CCDC158: variants seen among roughly 807,000 people sequenced by gnomAD.
CCDC158 encodes the protein coiled-coil domain-containing protein 158.
CCDC158 carries 116 observed loss-of-function variants against 138.6 expected under a neutral mutation model. The ratio of observed to expected loss-of-function variants is 0.84; its 90% confidence interval spans 0.72 to 0.98. CCDC158 has a LOEUF of 0.98. Ranked by LOEUF, CCDC158 falls within the 50% of genes least tolerant of loss-of-function variation. The pLI, the probability that CCDC158 is intolerant of heterozygous loss-of-function variation, is 0.00. For missense variants in CCDC158, 1,265 were observed against 1,306.1 expected (o/e 0.97, Z 0.48); for synonymous variants, 436 against 442.4 (o/e 0.99, Z 0.18).
intron 8 of CCDC158, among the ~76,000 whole-genome samples, chr4:76,380,786 G>A (rs1369919986): frequency 1.3e-5 from 2 of 152,188 alleles, no homozygotes; most frequent in African/African-American, 4.8e-5. Context: ...TCCAACACAG[G>A]CCTTGTGACT....
At chr4:76,354,038 A>G (rs1223261137) in intron 15 of CCDC158, among the ~76,000 whole-genome samples, 1 of 152,190 alleles carries the variant, frequency 6.6e-6, no homozygotes, top group Non-Finnish European at 1.5e-5. Context: ...TGAGTAGATT[A>G]GGCAGAAAAG....
Position 76,334,047 on chromosome 4 carries a change from C to T in CCDC158, c.2785G>A (p.Asp929Asn), listed in dbSNP as rs771004429. The change falls in exon 19 of 25, where the codon GAT becomes AAT. Residue 929 changes from aspartate to asparagine, a missense_variant. Asp to Asn is a conservative substitution (Grantham distance 23, BLOSUM62 1). Transcript: ENST00000682701. Reference protein sequence around the residue: ...PAVSLSKTEEDGRTSLGALYV... With the variant: ...PAVSLSKTEENGRTSLGALYV... ...AAGGCTCCCAGAGATGTTCTTCCAT[C>T]TTCCTCTGTCTTGCTCAGAGACACA... The T allele has an allele frequency of 1.4e-5, 22 of 1,613,354 alleles. No individual in the cohort carries two copies. Among genetic ancestry groups the T allele is most frequent in the Non-Finnish European group, 1.9e-5 (22 of 1,179,484 alleles).
chr4:76,409,605 G>A (rs1261749916), intron 2 of CCDC158, among the ~76,000 whole-genome samples: 2 of 152,168 alleles, frequency 1.3e-5, no homozygotes, highest in Non-Finnish European at 2.9e-5. Flanking sequence ...GCTGAGGCAG[G>A]CGGATCATGC....
chr4:76,359,071 T>C (rs1042104039), intron 13 of CCDC158, among the ~76,000 whole-genome samples: 1 of 151,952 alleles, frequency 6.6e-6, no homozygotes. Context: ...GATCTGGTTG[T>C]TTGAAAGTGT....
intron 8 of CCDC158, among the ~76,000 whole-genome samples, chr4:76,381,401 G>A (rs533144497): frequency 1.2e-4 from 18 of 152,362 alleles, no homozygotes; most frequent in Admixed American, 1.1e-3. Context: ...GGAGTCAAAG[G>A]AGATTATTTC....
Position 76,331,412 on chromosome 4 carries a change from A to C in CCDC158, c.2883-9T>G, listed in dbSNP as rs556504433. On this transcript the variant is annotated splice_polypyrimidine_tract_variant and intron_variant, in intron 20 of 24. Coordinates refer to ENST00000682701, the MANE Select transcript of CCDC158 (RefSeq NM_001394954.1). ...TCAACGAGTTGTTGCTTCTGTTGGT[A>C]GAGGGATGGGAGAAATCACAGTTTA... The C allele has an allele frequency of 6.2e-7, 1 of 1,612,344 alleles. No individual in the cohort carries two copies. Among genetic ancestry groups the C allele is most frequent in the South Asian group, 1.1e-5 (1 of 90,986 alleles).
intron 18 of CCDC158, among the ~76,000 whole-genome samples, chr4:76,346,281 C>A (rs1303293086): frequency 2.0e-5 from 3 of 152,142 alleles, no homozygotes; most frequent in Non-Finnish European, 4.4e-5. Flanking sequence ...ACCATAAAAA[C>A]CCTAGAAGAG....
At chr4:76,401,255 T>C in intron 3 of CCDC158, 1 of 439,570 alleles carries the variant, frequency 2.3e-6, no homozygotes, top group South Asian at 1.8e-5. Context: ...ACAAGCATGG[T>C]GAATGTTCCC....
intron 18 of CCDC158, chr4:76,344,601 A>G: frequency 7.5e-7 from 1 of 1,340,822 alleles, no homozygotes; most frequent in Non-Finnish European, 1.1e-6. Flanking sequence ...TCAGGTTGAC[A>G]TACCTGATGT....
intron 4 of CCDC158, 32 bp from the exon 5 acceptor site, chr4:76,384,697 A>G: frequency 6.9e-7 from 1 of 1,449,430 alleles, no homozygotes; most frequent in Non-Finnish European, 9.7e-7. Flanking sequence ...ATTAATCTTC[A>G]TTAGAGAAAC....
rs539384586 is a variant in CCDC158, at chr4:76,406,482, T to C, written c.-73-3202A>G. Among the ~76,000 whole-genome samples, 5 of 152,308 alleles carry C rather than the reference T, an allele frequency of 3.3e-5. No individual in the cohort carries two copies. The East Asian group carries it at 9.6e-4, about 29-fold the overall frequency. ...ATCACTAAGGTAGACCTTTTGGCTA[T>C]ATATTAAACACTATACTTTGATAAC... On this transcript the variant is annotated intron_variant, in intron 2 of 24. Coordinates refer to ENST00000682701, the MANE Select transcript of CCDC158 (RefSeq NM_001394954.1).
chr4:76,388,098 G>A (rs9654172), intron 4 of CCDC158, among the ~76,000 whole-genome samples: 4,474 of 152,148 alleles, frequency 0.029, 218 homozygotes, highest in African/African-American at 0.1. Context: ...GTATGCTTTG[G>A]GCCTTGGGCT....
rs1415086529 is a variant in CCDC158, at chr4:76,345,918, A to G, written c.2664+5078T>C. The stretch of plus-strand genomic sequence containing the variant: ...TAAATTTCATATGGAACCAAAAAAG[A>G]GCCCATATGGTCAAAACAATCCTAA... On this transcript the variant is annotated intron_variant, in intron 18 of 24. Coordinates refer to ENST00000682701, the MANE Select transcript of CCDC158 (RefSeq NM_001394954.1). Among the ~76,000 whole-genome samples the G allele has an allele frequency of 2.0e-5, 3 of 152,090 alleles. No homozygotes were observed. In the East Asian group the frequency reaches 5.8e-4, roughly 29 times the overall value.
chr4:76,333,742 T>A (rs1339187060), intron 19 of CCDC158, among the ~76,000 whole-genome samples: 1 of 152,216 alleles, frequency 6.6e-6, no homozygotes, highest in Admixed American at 6.5e-5. Context: ...ATATAAAATC[T>A]TTTGAGAATT....
At chr4:76,413,982 C>G (rs1335935380) in intron 1 of CCDC158, among the ~76,000 whole-genome samples, 2 of 152,074 alleles carry the variant, frequency 1.3e-5, no homozygotes, top group Non-Finnish European at 2.9e-5. Flanking sequence ...CACTTTGTCA[C>G]CCAGGTGGCT....
intron 9 of CCDC158, among the ~76,000 whole-genome samples, chr4:76,377,713 T>C (rs1206532653): frequency 6.6e-6 from 1 of 152,174 alleles, no homozygotes; most frequent in African/African-American, 2.4e-5. Context: ...GACCTTTTGT[T>C]TGTTGAGTGT....
At chr4:76,316,571 A>G (rs1202340144) in intron 24 of CCDC158, among the ~76,000 whole-genome samples, 1 of 152,138 alleles carries the variant, frequency 6.6e-6, no homozygotes, top group East Asian at 1.9e-4. Context: ...CCCTAGACTC[A>G]CTAGTGATCT....
intron 7 of CCDC158, among the ~76,000 whole-genome samples, chr4:76,383,021 A>T (rs1241354876): frequency 6.6e-6 from 1 of 152,202 alleles, no homozygotes; most frequent in Non-Finnish European, 1.5e-5. Context: ...TTAACGAAAC[A>T]TATCATGAAT....
At chr4:76,344,725 A>G in intron 18 of CCDC158, 1 of 1,614,006 alleles carries the variant, frequency 6.2e-7, no homozygotes, top group Non-Finnish European at 8.5e-7. Flanking sequence ...GTGTGGCTAC[A>G]TGACACTCTT....
Sources: allele counts gnomAD v4.1 joint callset (sites outside exome capture counted in the v4.1 genomes callset), GRCh38; gene constraint gnomAD v4.1.1; transcripts MANE v1.5; gene names NCBI Gene and HGNC (gene_info 2026-07-23, HGNC 2026-07-21).